SGCD: variants seen among roughly 807,000 people sequenced by gnomAD.
SGCD encodes the protein delta-sarcoglycan.
In SGCD, 18 loss-of-function variants were observed where a neutral mutation model predicts 36.6. The observed-to-expected ratio is 0.49, with a 90% CI of 0.34 to 0.73. The LOEUF (loss-of-function observed/expected upper bound fraction) is 0.73, where lower values mean the gene tolerates loss of function less well. Among genes scored for constraint, SGCD ranks in the 30% least tolerant of loss-of-function variants. The probability of loss-of-function intolerance (pLI) is 0.01; values close to 1 mark genes in which losing one functional copy is unlikely to be tolerated. For synonymous variants in SGCD, 133 were observed against 130.6 expected (o/e 1.02, Z -0.12); for missense variants, 387 against 346.7 (o/e 1.12, Z -0.92).
intron 3 of SGCD, among the ~76,000 whole-genome samples, chr5:156,405,062 G>T (rs574411701): frequency 1.3e-5 from 2 of 152,196 alleles, no homozygotes; most frequent in South Asian, 4.2e-4. Flanking sequence ...TTCAAATCTG[G>T]GTATAGAGGT....
chr5:156,402,094 A>G (rs1048796695), intron 3 of SGCD, among the ~76,000 whole-genome samples: 2 of 152,238 alleles, frequency 1.3e-5, no homozygotes, highest in Non-Finnish European at 1.5e-5. Flanking sequence ...GTATGTATCA[A>G]AATTTCACTC....
At chr5:156,337,077 C>G (rs1421774225) in intron 2 of SGCD, among the ~76,000 whole-genome samples, 1 of 152,102 alleles carries the variant, frequency 6.6e-6, no homozygotes, top group Non-Finnish European at 1.5e-5. Flanking sequence ...CAGACTAATG[C>G]CTGGTATGGA....
At chr5:156,030,167 T>C (rs1452745410) in intron 1 of SGCD, among the ~76,000 whole-genome samples, 1 of 152,184 alleles carries the variant, frequency 6.6e-6, no homozygotes, top group Non-Finnish European at 1.5e-5. Flanking sequence ...TTACTCTTGA[T>C]TAGGGGTGAT....
intron 1 of SGCD, among the ~76,000 whole-genome samples, chr5:156,005,362 G>A (rs1270761856): frequency 3.3e-5 from 5 of 152,236 alleles, no homozygotes; most frequent in African/African-American, 1.2e-4. Context: ...TGAGAAAGAC[G>A]GCAAAGGAGG....
At chr5:155,904,333 A>T (rs1756453484) in intron 1 of SGCD, among the ~76,000 whole-genome samples, 1 of 152,190 alleles carries the variant, frequency 6.6e-6, no homozygotes, top group African/African-American at 2.4e-5. Context: ...GCAGAGCTTC[A>T]ACCTCATTTG....
intron 1 of SGCD, among the ~76,000 whole-genome samples, chr5:155,908,220 G>C (rs1472184855): frequency 2.0e-5 from 3 of 151,984 alleles, no homozygotes; most frequent in African/African-American, 7.2e-5. Context: ...AAACCAAAAC[G>C]GTTGTTACTC....
At chr5:156,020,513 T>G (rs1245034793) in intron 1 of SGCD, among the ~76,000 whole-genome samples, 1 of 152,228 alleles carries the variant, frequency 6.6e-6, no homozygotes, top group Non-Finnish European at 1.5e-5. Context: ...CTAGTTTTTT[T>G]TTAATCTGTT....
At chr5:156,472,848 G>A (rs951288737) in intron 3 of SGCD, among the ~76,000 whole-genome samples, 2 of 152,176 alleles carry the variant, frequency 1.3e-5, no homozygotes, top group South Asian at 4.1e-4. Flanking sequence ...TGTGATAAAA[G>A]AGAAATGTTT....
At chr5:155,868,955 A>G (rs78995376), upstream of SGCD, among the ~76,000 whole-genome samples, 13,633 of 152,278 alleles carry the variant, frequency 0.09, 661 homozygotes, top group South Asian at 0.14. Flanking sequence ...AGAATTTGCT[A>G]AAATCAATAG....
intron 3 of SGCD, among the ~76,000 whole-genome samples, chr5:156,508,220 T>C (rs1438013137): frequency 6.6e-6 from 1 of 152,164 alleles, no homozygotes; most frequent in Admixed American, 6.5e-5. Flanking sequence ...CAGCTTGAAA[T>C]CTCTGTAGAG....
At chr5:156,359,940 G>T (rs1769697696) in intron 3 of SGCD, among the ~76,000 whole-genome samples, 1 of 152,128 alleles carries the variant, frequency 6.6e-6, no homozygotes, top group Non-Finnish European at 1.5e-5. Context: ...TAATTATGTT[G>T]GAGCAAATCC....
chr5:155,894,480 A>C (rs1756205204), intron 1 of SGCD, among the ~76,000 whole-genome samples: 1 of 152,178 alleles, frequency 6.6e-6, no homozygotes, highest in South Asian at 2.1e-4. Flanking sequence ...AGAAGTCCCC[A>C]ACTCCCAGTA....
intron 3 of SGCD, among the ~76,000 whole-genome samples, chr5:156,218,174 C>T (rs534072576): frequency 1.8e-4 from 27 of 152,168 alleles, no homozygotes; most frequent in Middle Eastern, 6.8e-3. Flanking sequence ...ATCGCTTGAA[C>T]CTGGGAAGCG....
chr5:155,800,480 G>T, the SGCD span, among the ~76,000 whole-genome samples: 1 of 152,094 alleles, frequency 6.6e-6, no homozygotes, highest in African/African-American at 2.4e-5. Context: ...TTCTGTATTC[G>T]CTTGAAGGTG....
the SGCD span, among the ~76,000 whole-genome samples, chr5:155,840,479 C>T: frequency 6.8e-6 from 1 of 147,600 alleles, no homozygotes; most frequent in African/African-American, 2.5e-5. Flanking sequence ...TTAGTAGAGA[C>T]GGGGTTTCAC....
At chr5:156,030,886 T>A (rs1045831788) in intron 1 of SGCD, among the ~76,000 whole-genome samples, 1 of 152,134 alleles carries the variant, frequency 6.6e-6, no homozygotes, top group Non-Finnish European at 1.5e-5. Flanking sequence ...ATGGACTGTG[T>A]CTAGGGAGAA....
the SGCD span, among the ~76,000 whole-genome samples, chr5:155,860,050 C>T: frequency 5.3e-5 from 8 of 152,280 alleles, no homozygotes; most frequent in South Asian, 8.3e-4. Context: ...AAATACAGTG[C>T]TCTTTGGAGA....
At chr5:156,331,014 G>A (rs949984448) in intron 2 of SGCD, among the ~76,000 whole-genome samples, 2 of 152,170 alleles carry the variant, frequency 1.3e-5, no homozygotes, top group African/African-American at 4.8e-5. Flanking sequence ...CACACAGTAA[G>A]CACTTAAATA....
At chr5:156,069,198 C>T (rs1760448833) in intron 1 of SGCD, among the ~76,000 whole-genome samples, 1 of 152,060 alleles carries the variant, frequency 6.6e-6, no homozygotes. Context: ...AGTCCTTGCC[C>T]ATGCCTATGT....
Sources: allele counts gnomAD v4.1 joint callset (sites outside exome capture counted in the v4.1 genomes callset), GRCh38; gene constraint gnomAD v4.1.1; transcripts MANE v1.5; gene names NCBI Gene and HGNC (gene_info 2026-07-23, HGNC 2026-07-21).